ACVR1: variants seen among roughly 807,000 people sequenced by gnomAD.
The protein encoded by ACVR1 is activin A receptor type 1, also known as activin receptor type-1.
A neutral mutation model predicts 57.1 loss-of-function variants in ACVR1; 38 were observed. The ratio of observed to expected loss-of-function variants is 0.67; its 90% CI spans 0.51 to 0.87. The LOEUF is 0.87. Ranked by LOEUF, ACVR1 falls within the 40% of genes least tolerant of loss-of-function variation. ACVR1 has a pLI of 0.00. For synonymous variants in ACVR1, 212 were observed against 228.1 expected (o/e 0.93, Z 0.63); for missense variants, 463 against 638.2 (o/e 0.73, Z 2.96).
At chr2:157,791,231 A>G (rs763801491) in intron 3 of ACVR1, among the ~76,000 whole-genome samples, 1 of 152,146 alleles carries the variant, frequency 6.6e-6, no homozygotes, top group Non-Finnish European at 1.5e-5. Context: ...TACGTCACCA[A>G]TGCCTACCAG....
intron 3 of ACVR1, among the ~76,000 whole-genome samples, chr2:157,792,560 G>A (rs543621560): frequency 6.6e-6 from 1 of 152,290 alleles, no homozygotes; most frequent in African/African-American, 2.4e-5. Flanking sequence ...GTCACATGAG[G>A]GCAGTAGGAA....
At chr2:157,826,557 G>C (rs1336690440) in intron 1 of ACVR1, 1 of 151,788 alleles carries the variant, frequency 6.6e-6, no homozygotes, top group Non-Finnish European at 1.5e-5. Flanking sequence ...TGAGGGCGAG[G>C]GGGGAAGGAC....
chr2:157,845,220 A>C (rs567999382), intron 1 of ACVR1, among the ~76,000 whole-genome samples: 15 of 152,322 alleles, frequency 9.8e-5, no homozygotes, highest in East Asian at 1.9e-4. Flanking sequence ...GTAGCCTGCC[A>C]ATCAATTTGT....
intron 9 of ACVR1, among the ~76,000 whole-genome samples, chr2:157,742,536 T>C (rs1321616410): frequency 6.6e-6 from 1 of 152,158 alleles, no homozygotes; most frequent in African/African-American, 2.4e-5. Context: ...ATACAATAGT[T>C]TTTTCCTGGG....
At chr2:157,853,435 C>A (rs1689395658) in intron 1 of ACVR1, among the ~76,000 whole-genome samples, 1 of 152,154 alleles carries the variant, frequency 6.6e-6, no homozygotes, top group South Asian at 2.1e-4. Flanking sequence ...GCCTTCATGA[C>A]CTCACCTAAA....
At chr2:157,764,928 T>C (rs528733159) in intron 8 of ACVR1, among the ~76,000 whole-genome samples, 2 of 152,200 alleles carry the variant, frequency 1.3e-5, no homozygotes, top group African/African-American at 4.8e-5. Flanking sequence ...TTTCCTAACA[T>C]GTCAAATCCC....
chr2:157,780,532 C>A lies in ACVR1; in HGVS notation c.136G>T (p.Asp46Tyr). 1 of 1,613,856 alleles carries A rather than the reference C, an allele frequency of 6.2e-7. No homozygotes were observed. Among genetic ancestry groups the A allele is most frequent in the Non-Finnish European group, 8.5e-7 (1 of 1,179,978 alleles). ...AAGCACTGCTGGCCTTCACAGTGGT[C>A]CTCATTACCGCAGGAGAGACCTTCA... Reference protein sequence around the residue: ...VCEGLSCGNEDHCEGQQCFSS... With the variant: ...VCEGLSCGNEYHCEGQQCFSS... The change falls in exon 4 of 11, where the codon GAC (aspartate) becomes TAC (tyrosine). Residue 46 changes from aspartate to tyrosine, a missense_variant. Physicochemically the swap from Asp to Tyr is radical, Grantham distance 160 (BLOSUM62 -3). Around this residue, in one of 3 missense-constraint regions of ACVR1, gnomAD observed 203 missense variants for 235.5 expected, o/e 0.86. Coordinates refer to ENST00000434821, the MANE Select transcript of ACVR1 (RefSeq NM_001111067.4).
intron 1 of ACVR1, among the ~76,000 whole-genome samples, chr2:157,848,728 G>A (rs1044544243): frequency 3.3e-5 from 5 of 152,176 alleles, no homozygotes; most frequent in Admixed American, 1.3e-4. Context: ...GAAAGAAGTC[G>A]CACCTCATAT....
At chr2:157,871,110 G>T (rs933543120) in intron 1 of ACVR1, among the ~76,000 whole-genome samples, 1 of 152,198 alleles carries the variant, frequency 6.6e-6, no homozygotes, top group African/African-American at 2.4e-5. Context: ...CCCAGGGAGA[G>T]AATTTGAAAG....
chr2:157,872,496 G>T (rs1690143540), intron 1 of ACVR1, among the ~76,000 whole-genome samples: 2 of 152,204 alleles, frequency 1.3e-5, no homozygotes, highest in Non-Finnish European at 2.9e-5. Flanking sequence ...ACAGCCAGGT[G>T]AAACCTCACT....
Position 157,798,101 on chromosome 2 carries a change from A to G in ACVR1, c.67+1326T>C, listed in dbSNP as rs568997203. Among the ~76,000 whole-genome samples the G allele has an allele frequency of 2.0e-5, 3 of 152,312 alleles. No individual in the cohort carries two copies. In the South Asian group the frequency reaches 6.2e-4, roughly 32 times the overall value. ...TGTAACATCCCAAATAGGCCAAGACATGGCCGTTGCACTACAAGTATCAAC... is the reference window on the plus strand; with the variant it reads ...TGTAACATCCCAAATAGGCCAAGACGTGGCCGTTGCACTACAAGTATCAAC... On this transcript the variant is annotated intron_variant, in intron 3 of 10. Transcript: ENST00000434821.
chr2:157,863,329 T>A (rs1324277452), intron 1 of ACVR1, among the ~76,000 whole-genome samples: 1 of 131,446 alleles, frequency 7.6e-6, no homozygotes, highest in African/African-American at 2.8e-5. Flanking sequence ...ACAGTTAAAT[T>A]GTTTCTCTTT....
At position 157,737,449 on chromosome 2, in the gene ACVR1, T is replaced by C. The variant is rs1684576573; in HGVS notation, c.*82A>G. On this transcript the variant is annotated 3_prime_UTR_variant, in exon 11 of 11. Coordinates refer to ENST00000434821, the MANE Select transcript of ACVR1 (RefSeq NM_001111067.4). ...GGAGGGAGACAGATGGATTCCATTC[T>C]GACAACCAGTCAGGCCAGCATTAGG... The C allele has an allele frequency of 7.7e-6, 12 of 1,552,814 alleles. No individual in the cohort carries two copies. Among genetic ancestry groups the C allele is most frequent in the Non-Finnish European group, 1.1e-5 (12 of 1,137,086 alleles).
intron 1 of ACVR1, among the ~76,000 whole-genome samples, chr2:157,858,642 C>G (rs988505119): frequency 2.2e-4 from 34 of 151,854 alleles, no homozygotes; most frequent in African/African-American, 8.2e-4. Flanking sequence ...AACCATTACG[C>G]CCTGCTAATT....
chr2:157,859,016 G>C (rs1472580458), intron 1 of ACVR1, among the ~76,000 whole-genome samples: 3 of 152,130 alleles, frequency 2.0e-5, no homozygotes, highest in Admixed American at 6.5e-5. Flanking sequence ...ACACCTTCCT[G>C]TTCTGTTATG....
intron 1 of ACVR1, among the ~76,000 whole-genome samples, chr2:157,865,660 C>T (rs562482559): frequency 6.6e-5 from 10 of 151,632 alleles, no homozygotes; most frequent in Non-Finnish European, 1.3e-4. Flanking sequence ...GGCGTGGTGG[C>T]GCATGCTTGT....
rs186902915 is a variant in ACVR1, at chr2:157,826,648, T to A, written c.-182-8089A>T. 387 of 118,512 alleles carry A rather than the reference T, an allele frequency of 3.3e-3. 9 individuals are homozygous for A. The highest frequency in any genetic ancestry group is 0.013 in the African/African-American group (372 of 29,018). 7.3% of individuals were successfully genotyped at this position (118,512 alleles called of 1,614,324 possible). On this transcript the variant is annotated intron_variant, in intron 1 of 10. Coordinates refer to ENST00000434821, the MANE Select transcript of ACVR1 (RefSeq NM_001111067.4). ...CAGACTGGGCGACAGAGTAAGACCC[T>A]GTCAAAAAAAAAAAAAAAGAAACAA...
intron 9 of ACVR1, among the ~76,000 whole-genome samples, chr2:157,740,031 A>C (rs970598245): frequency 1.4e-4 from 21 of 152,038 alleles, no homozygotes; most frequent in Non-Finnish European, 2.4e-4. Flanking sequence ...TAAAAATACA[A>C]AAATTAGCCG....
chr2:157,790,988 C>T (rs1043742150), intron 3 of ACVR1, among the ~76,000 whole-genome samples: 1 of 152,214 alleles, frequency 6.6e-6, no homozygotes, highest in Non-Finnish European at 1.5e-5. Flanking sequence ...CATGATCTCA[C>T]GTCTCTGGAC....
Sources: allele counts gnomAD v4.1 joint callset (sites outside exome capture counted in the v4.1 genomes callset), GRCh38; gene constraint gnomAD v4.1.1; regional missense constraint gnomAD v4.1.1; transcripts MANE v1.5; gene names NCBI Gene and HGNC (gene_info 2026-07-23, HGNC 2026-07-21).